The following CCDC88A variants were observed in gnomAD, a reference collection of about 807,000 sequenced individuals.
CCDC88A encodes the protein girdin.
CCDC88A carries 54 observed loss-of-function variants against 234.3 expected under a neutral mutation model. The observed-to-expected ratio is 0.23, with a 90% CI of 0.19 to 0.29. The LOEUF is 0.29. Among genes scored for constraint, CCDC88A ranks in the 10% least tolerant of loss-of-function variants. The probability of loss-of-function intolerance (pLI) is 1.00; values close to 1 mark genes in which losing one functional copy is unlikely to be tolerated. For synonymous variants in CCDC88A, 753 were observed against 737.8 expected, an observed-to-expected ratio of 1.02 and a Z score of -0.33; for missense variants, 1,832 against 2,123.4, an observed-to-expected ratio of 0.86 and a Z score of 2.70.
In CCDC88A at chr2:55,384,566, T is replaced by C. The variant is rs1361072202; in HGVS notation, c.273+4212A>G. ...GTATATATGTGTATATATACACATA[T>C]ATACGTATATATGTGTATATATACA... On this transcript the variant is annotated intron_variant, in intron 3 of 32. Coordinates refer to ENST00000436346, the MANE Select transcript of CCDC88A (RefSeq NM_001365480.1). 5.6e-5 allele frequency among the ~76,000 whole-genome samples: 7 copies of C among 125,814 alleles called. 2 individuals are homozygous for C. Among genetic ancestry groups the C allele is most frequent in the African/African-American group, 2.2e-4 (7 of 31,852 alleles). 82.5% of individuals were successfully genotyped at this position (125,814 alleles called of 152,430 possible). A position where few individuals can be genotyped will look rare whatever the true frequency, so the allele number is the denominator to read the frequency against.
At position 55,332,121 on chromosome 2, in the gene CCDC88A, T is replaced by C. The variant is rs1684983140; in HGVS notation, c.2855+445A>G. 6.5e-6 allele frequency: 1 copy of C among 152,850 alleles called. No homozygotes were observed. The highest frequency in any genetic ancestry group is 2.4e-5 in the African/African-American group (1 of 41,266). The allele number at this position is 152,850 out of a possible 1,614,324, so 9.5% of individuals were successfully genotyped here. On this transcript the variant is annotated intron_variant, in intron 16 of 32. Transcript: ENST00000436346. The surrounding 1 kb of genome is among the most constrained non-coding windows in gnomAD (Gnocchi z 4.5). ...CCTCTTTTCTCCTTACAGAACTTTC[T>C]TTTTTTTTCTTTTTGAGATGGAGTT...
rs1681057765 is a variant in CCDC88A, at chr2:55,302,811, T to G, written c.4471+258A>C. ...AAATAAAGGGTTTTTTTCCTGCCAA[T>G]TTTTAGAAAGCACTGGAAATTTACG... On this transcript the variant is annotated intron_variant, in intron 26 of 32. Coordinates refer to ENST00000436346, the MANE Select transcript of CCDC88A (RefSeq NM_001365480.1). The G allele has an allele frequency of 1.1e-5, 3 of 264,440 alleles. No homozygotes were observed. The East Asian group carries it at 2.0e-4, about 18-fold the overall frequency. The allele number at this position is 264,440 out of a possible 1,614,324, so 16.4% of individuals were successfully genotyped here.
Position 55,332,179 on chromosome 2 carries a change from C to G in CCDC88A, c.2855+387G>C, listed in dbSNP as rs1684995597. ...TGTTGCCCAGGCTGGAGTGCAACGG[C>G]ACGATCTCAGCTCACCGCAACCTCA... On this transcript the variant is annotated intron_variant, in intron 16 of 32. Coordinates refer to ENST00000436346, the MANE Select transcript of CCDC88A (RefSeq NM_001365480.1). The surrounding 1 kb of genome is among the most constrained non-coding windows in gnomAD (Gnocchi z 4.5). The G allele has an allele frequency of 6.5e-6, 1 of 153,798 alleles. No homozygotes were observed. The highest frequency in any genetic ancestry group is 6.5e-5 in the Admixed American group (1 of 15,332). 9.5% of individuals were successfully genotyped at this position (153,798 alleles called of 1,614,324 possible). A position where few individuals can be genotyped will look rare whatever the true frequency, so the allele number is the denominator to read the frequency against.
In CCDC88A at chr2:55,395,643, G is replaced by A. The variant is rs572309201; in HGVS notation, c.165-6757C>T. On this transcript the variant is annotated intron_variant, in intron 2 of 32. Coordinates refer to ENST00000436346, the MANE Select transcript of CCDC88A (RefSeq NM_001365480.1). Reference sequence around the variant, plus strand: ...GTTTTTTAAACCATTGCTTTCTATCGAAAGTTACGAGCTGACAACCTCCAA... The same window carrying A: ...GTTTTTTAAACCATTGCTTTCTATCAAAAGTTACGAGCTGACAACCTCCAA... Among the ~76,000 whole-genome samples, 38 of 152,192 alleles carry A rather than the reference G, an allele frequency of 2.5e-4. 1 individual carries two copies. Among genetic ancestry groups the A allele is most frequent in the Non-Finnish European group, 3.8e-4 (26 of 68,006 alleles).
chr2:55,338,029 T>G (rs1668021151), intron 13 of CCDC88A, among the ~76,000 whole-genome samples: 1 of 152,196 alleles, frequency 6.6e-6, no homozygotes, highest in South Asian at 2.1e-4. Flanking sequence ...GAAACTCATT[T>G]GTTGTTTTGT....
rs1683134609 is a variant in CCDC88A at position 55,317,512 on chromosome 2, C to A, written c.3602+52G>T. On this transcript the variant is annotated intron_variant, in intron 20 of 32. Transcript: ENST00000436346. This position sits in a 1 kb window ranked among gnomAD's most constrained non-coding sequence, Gnocchi z 4.2. ...TTAATATATAAAATTTATTATACTA[C>A]TTGAAGAAAATTCATTTTAAATTCA... is the stretch of plus-strand genomic sequence containing the variant. 2 of 1,345,540 alleles carry A rather than the reference C, an allele frequency of 1.5e-6. No homozygotes were observed. Among genetic ancestry groups the A allele is most frequent in the South Asian group, 1.7e-5 (1 of 58,236 alleles). The allele number at this position is 1,345,540 out of a possible 1,614,324, so 83.4% of individuals were successfully genotyped here.
At chr2:55,390,753 A>G (rs566786762) in intron 2 of CCDC88A, among the ~76,000 whole-genome samples, 1 of 152,286 alleles carries the variant, frequency 6.6e-6, no homozygotes, top group Non-Finnish European at 1.5e-5. Context: ...GAGTTCATGG[A>G]TGCTAAACTG....
At chr2:55,414,644 A>C (rs983809068) in intron 2 of CCDC88A, among the ~76,000 whole-genome samples, 1 of 152,250 alleles carries the variant, frequency 6.6e-6, no homozygotes, top group African/African-American at 2.4e-5. Context: ...AGGCAGAGTC[A>C]GTAAACAGTG....
chr2:55,395,895 T>A (rs767987234), intron 2 of CCDC88A, among the ~76,000 whole-genome samples: 1 of 152,006 alleles, frequency 6.6e-6, no homozygotes, highest in Non-Finnish European at 1.5e-5. Flanking sequence ...GAAAAGTGAG[T>A]CTCTCAAATA....
chr2:55,324,832 G>T (rs1247827481), intron 17 of CCDC88A, among the ~76,000 whole-genome samples: 1 of 152,020 alleles, frequency 6.6e-6, no homozygotes, highest in Non-Finnish European at 1.5e-5. Flanking sequence ...TTTTAGTAGA[G>T]ACAGCATTTC....
intron 2 of CCDC88A, among the ~76,000 whole-genome samples, chr2:55,400,441 C>A (rs1013913479): frequency 6.6e-6 from 1 of 152,084 alleles, no homozygotes; most frequent in South Asian, 2.1e-4. Context: ...TCTGTCCAAC[C>A]AGGAGTTAAA....
chr2:55,308,298 T>C (rs911686013), intron 25 of CCDC88A: 2 of 153,184 alleles, frequency 1.3e-5, no homozygotes, highest in Admixed American at 1.3e-4. Context: ...CCTTCTGTAA[T>C]TTCTAAATCA....
At chr2:55,416,507 A>AATAATGACTG (rs1446653738) in intron 2 of CCDC88A, among the ~76,000 whole-genome samples, 3 of 119,234 alleles carry the variant, frequency 2.5e-5, no homozygotes, top group Non-Finnish European at 5.4e-5. Context: ...TTCTTCTAGG[A>AATAATGACTG]ATAATGACTG....
At chr2:55,344,682 C>T (rs948575441) in intron 10 of CCDC88A, among the ~76,000 whole-genome samples, 168 bp from the exon 11 acceptor site, 2 of 152,058 alleles carry the variant, frequency 1.3e-5, no homozygotes, top group Admixed American at 6.6e-5. Flanking sequence ...CTTTTTACCC[C>T]AGAATGCAAA....
At position 55,308,922 on chromosome 2, in the gene CCDC88A, G is replaced by A; in HGVS notation, c.4274C>T (p.Ser1425Leu). 2 of 1,613,940 alleles carry A rather than the reference G, an allele frequency of 1.2e-6. No homozygotes were observed. Among genetic ancestry groups the A allele is most frequent in the African/African-American group, 1.3e-5 (1 of 75,042 alleles). Reference sequence around the variant, plus strand: ...CTGAAGAAATCCTTCACTGGAGTCTGAGCGGGTGGGTGTTAATGTTAGAGA... The same window carrying A: ...CTGAAGAAATCCTTCACTGGAGTCTAAGCGGGTGGGTGTTAATGTTAGAGA... Reference protein sequence around the residue: ...QKSLTLTPTRSDSSEGFLQLP... With the variant: ...QKSLTLTPTRLDSSEGFLQLP... The change falls in exon 25 of 33, where the codon TCA becomes TTA. Residue 1425 changes from serine (S) to leucine (L), a missense_variant. By Grantham distance (145) the Ser-to-Leu change is moderately radical. Transcript: ENST00000436346.
rs747054526 is a variant in CCDC88A at position 55,355,688 on chromosome 2, C to T, written c.691G>A (p.Ala231Thr). The T allele has an allele frequency of 1.9e-6, 3 of 1,613,868 alleles. No individual in the cohort carries two copies. In the South Asian group the frequency reaches 3.3e-5, roughly 18 times the overall value. The part of the protein sequence containing the change: ...LHFLPHASSS[A>T]QSPCGSPGMK... ...CCTGGAGAACCACAGGGTGACTGTG[C>T]AGATGAAGAGGCATGGGGTAGAAAA... The change falls in exon 8 of 33, where the codon GCA (alanine) becomes ACA (threonine). Residue 231 changes from alanine to threonine, a missense_variant. Coordinates refer to ENST00000436346, the MANE Select transcript of CCDC88A (RefSeq NM_001365480.1).
chr2:55,322,939 C>A (rs554794339), intron 17 of CCDC88A: 2 of 295,270 alleles, frequency 6.8e-6, no homozygotes, highest in East Asian at 1.2e-4. Context: ...CGTGCAAATG[C>A]CCCTGGATTA....
At chr2:55,405,588 T>G (rs4672033) in intron 2 of CCDC88A, 3 of 152,184 alleles carry the variant, frequency 2.0e-5, no homozygotes, top group African/African-American at 7.2e-5. Flanking sequence ...AGTACAGGTC[T>G]GTGCCCTGTT....
At position 55,344,452 on chromosome 2, in the gene CCDC88A, C is replaced by T. The variant is rs2104723526; in HGVS notation, c.1104G>A (p.Glu368=). The T allele has an allele frequency of 1.9e-6, 3 of 1,585,602 alleles. No homozygotes were observed. Among genetic ancestry groups the T allele is most frequent in the African/African-American group, 1.3e-5 (1 of 74,264 alleles). ...ETKTMLEDQL[E]GTRARSDKLH... ...ATTTATCAGAACGAGCACGAGTTCC[C>T]TCTAGTTGGTCTTCCAACATGGTTT... The change falls in exon 11 of 33, where the codon GAG becomes GAA. Residue 368 remains glutamate (E), a synonymous_variant. Coordinates refer to ENST00000436346, the MANE Select transcript of CCDC88A (RefSeq NM_001365480.1).
Sources: gnomAD v4.1 joint callset for allele counts (sites outside exome capture counted in the v4.1 genomes callset) on GRCh38, gnomAD v4.1.1 for gene constraint, Gnocchi (gnomAD v3.1) non-coding constraint, MANE v1.5 for transcripts, NCBI Gene and HGNC (gene_info 2026-07-23, HGNC 2026-07-21) for gene names.